MCPH1: variants seen among roughly 807,000 people sequenced by gnomAD.
MCPH1 encodes microcephalin 1, also known as microcephalin.
A neutral mutation model predicts 84.5 loss-of-function variants in MCPH1; 104 were observed. That is an observed-to-expected ratio of 1.23 (90% confidence interval 1.05 to 1.45). The LOEUF (loss-of-function observed/expected upper bound fraction) is 1.45, where lower values mean the gene tolerates loss of function less well. Among genes scored for constraint, MCPH1 ranks in the 40% most tolerant of loss-of-function variants. The pLI is 0.00. For synonymous variants in MCPH1, 514 were observed against 366.8 expected (o/e 1.40, Z -4.58); for missense variants, 1,498 against 1,005.7 (o/e 1.49, Z -6.62).
intron 12 of MCPH1, among the ~76,000 whole-genome samples, chr8:6,570,805 T>G (rs1826594975): frequency 5.9e-4 from 1 of 1,686 alleles, no homozygotes; most frequent in South Asian, 0.025. Flanking sequence ...GGATTGTTGT[T>G]TTTTTTTTTT....
At chr8:6,471,757 A>G (rs1437142013) in intron 9 of MCPH1, among the ~76,000 whole-genome samples, 1 of 152,184 alleles carries the variant, frequency 6.6e-6, no homozygotes, top group African/African-American at 2.4e-5. Context: ...CAATGCCATA[A>G]GAAGCCTGTA....
At chr8:6,441,009 A>G (rs138650622) in intron 6 of MCPH1, among the ~76,000 whole-genome samples, 7 of 152,270 alleles carry the variant, frequency 4.6e-5, no homozygotes, top group Non-Finnish European at 8.8e-5. Context: ...TGTGCCTCCC[A>G]GCTAAGCCAT....
intron 5 of MCPH1, among the ~76,000 whole-genome samples, chr8:6,436,508 C>A (rs1185320851): frequency 6.6e-6 from 1 of 151,796 alleles, no homozygotes; most frequent in Non-Finnish European, 1.5e-5. Context: ...GTATTTTTAC[C>A]TAATTGGCAT....
intron 12 of MCPH1, among the ~76,000 whole-genome samples, chr8:6,603,052 T>C (rs1829494070): frequency 6.6e-6 from 1 of 151,978 alleles, no homozygotes; most frequent in South Asian, 2.1e-4. Context: ...TTGCTTGCAC[T>C]TTTTGCCATT....
chr8:6,505,289 A>T (rs540242064), intron 12 of MCPH1, among the ~76,000 whole-genome samples: 4 of 50,040 alleles, frequency 8.0e-5, no homozygotes, highest in East Asian at 1.2e-3. Flanking sequence ...TATATATGTT[A>T]TATACATATA....
At position 6,519,964 on chromosome 8, in the gene MCPH1, T is replaced by C. The variant is rs751114936; in HGVS notation, c.2214+20035T>C. 16 of 1,614,054 alleles carry C rather than the reference T, an allele frequency of 9.9e-6. No homozygotes were observed. The highest frequency in any genetic ancestry group is 1.6e-4 in the Middle Eastern group (1 of 6,084). On this transcript the variant is annotated intron_variant, in intron 12 of 13. Transcript: ENST00000344683. ...AGCACAGTCTCTGAAGCTGATTTGTTCTTCTTTAGCAACAGTGGGGTCCTT... is the reference window on the plus strand; with the variant it reads ...AGCACAGTCTCTGAAGCTGATTTGTCCTTCTTTAGCAACAGTGGGGTCCTT...
At chr8:6,593,422 T>A (rs1479081384) in intron 12 of MCPH1, among the ~76,000 whole-genome samples, 2 of 151,862 alleles carry the variant, frequency 1.3e-5, no homozygotes, top group African/African-American at 4.8e-5. Context: ...TGGCGCGATC[T>A]TGGCTCCCTG....
chr8:6,506,443 T>C (rs1586200300), intron 12 of MCPH1, among the ~76,000 whole-genome samples: 3 of 152,178 alleles, frequency 2.0e-5, no homozygotes, highest in East Asian at 3.9e-4. Context: ...GTAAATATAT[T>C]GTTTCCTTGG....
At chr8:6,630,646 T>C (rs971486197) in intron 13 of MCPH1, among the ~76,000 whole-genome samples, 1 of 151,768 alleles carries the variant, frequency 6.6e-6, no homozygotes, top group Non-Finnish European at 1.5e-5. Flanking sequence ...CCAGGCATGA[T>C]GGGGCATGCC....
intron 12 of MCPH1, among the ~76,000 whole-genome samples, chr8:6,558,653 A>T (rs1369261462): frequency 6.6e-6 from 1 of 152,180 alleles, no homozygotes; most frequent in African/African-American, 2.4e-5. Flanking sequence ...TGGATTATCT[A>T]GTGTCTCAAT....
intron 3 of MCPH1, among the ~76,000 whole-genome samples, chr8:6,423,891 A>C (rs1800648793): frequency 6.6e-6 from 1 of 152,196 alleles, no homozygotes; most frequent in Non-Finnish European, 1.5e-5. Context: ...GTAGAAGAAA[A>C]ATAATAGTTT....
chr8:6,556,772 G>A (rs1208743830), intron 12 of MCPH1, among the ~76,000 whole-genome samples: 1 of 152,094 alleles, frequency 6.6e-6, no homozygotes, highest in East Asian at 1.9e-4. Context: ...TGCCATTGTA[G>A]AGATGGGGGT....
At chr8:6,513,513 C>G (rs376467464) in intron 12 of MCPH1, among the ~76,000 whole-genome samples, 8 of 151,946 alleles carry the variant, frequency 5.3e-5, no homozygotes, top group East Asian at 3.9e-4. Flanking sequence ...TTTTGTACTT[C>G]TAGTAGAGAC....
chr8:6,608,999 T>C (rs1830016433), intron 12 of MCPH1, among the ~76,000 whole-genome samples: 1 of 152,190 alleles, frequency 6.6e-6, no homozygotes, highest in Non-Finnish European at 1.5e-5. Context: ...ACCCACAGAA[T>C]ACTGCAGAGT....
At chr8:6,503,033 A>G in intron 12 of MCPH1, 2 of 1,583,256 alleles carry the variant, frequency 1.3e-6, no homozygotes, top group Non-Finnish European at 1.7e-6. Context: ...CGCAGCCGTG[A>G]CTTTCAGTGC....
chr8:6,595,500 C>G (rs2922855), intron 12 of MCPH1, among the ~76,000 whole-genome samples: 1 of 152,058 alleles, frequency 6.6e-6, no homozygotes, highest in Non-Finnish European at 1.5e-5. Flanking sequence ...GCCTGATGGA[C>G]GGCTGAGCCA....
intron 12 of MCPH1, chr8:6,562,549 CTTCTTT>C: frequency 1.1e-5 from 1 of 87,396 alleles, no homozygotes; most frequent in Admixed American, 1.8e-4. Flanking sequence ...CTTCATCCTC[CTTCTTT>C]TTTTTTTTTT....
chr8:6,636,407 G>A (rs543937060), intron 13 of MCPH1, among the ~76,000 whole-genome samples: 1 of 152,074 alleles, frequency 6.6e-6, no homozygotes, highest in Non-Finnish European at 1.5e-5. Flanking sequence ...TCCACATGGG[G>A]GTGAGGGCTG....
chr8:6,604,506 G>C (rs1395414053), intron 12 of MCPH1, among the ~76,000 whole-genome samples: 1 of 150,714 alleles, frequency 6.6e-6, no homozygotes, highest in African/African-American at 2.4e-5. Context: ...GCCTACGTTT[G>C]CTGTTGTTGT....
Sources: allele counts gnomAD v4.1 joint callset (sites outside exome capture counted in the v4.1 genomes callset), GRCh38; gene constraint gnomAD v4.1.1; transcripts MANE v1.5; gene names NCBI Gene and HGNC (gene_info 2026-07-23, HGNC 2026-07-21).